FRAS1: variants seen among roughly 807,000 people sequenced by gnomAD.
FRAS1 encodes extracellular matrix organizing protein FRAS1.
A neutral mutation model predicts 435.2 loss-of-function variants in FRAS1; 290 were observed. The ratio of observed to expected loss-of-function variants is 0.67; its 90% confidence interval spans 0.61 to 0.73. The LOEUF is 0.73. FRAS1 is among the 30% of genes least tolerant of loss of function. The pLI is 0.00. For missense variants in FRAS1, 4,860 were observed against 5,001.5 expected, an observed-to-expected ratio of 0.97 and a Z score of 0.85; for synonymous variants, 1,800 against 1,851.0, an observed-to-expected ratio of 0.97 and a Z score of 0.71.
At chr4:78,131,190 A>G (rs1719662871) in intron 2 of FRAS1, among the ~76,000 whole-genome samples, 1 of 152,188 alleles carries the variant, frequency 6.6e-6, no homozygotes, top group East Asian at 1.9e-4. Flanking sequence ...TCTGAGAGAT[A>G]TATACACACA....
chr4:78,462,609 G>C (rs2109844596), intron 47 of FRAS1, among the ~76,000 whole-genome samples: 1 of 152,298 alleles, frequency 6.6e-6, no homozygotes, highest in South Asian at 2.1e-4. Flanking sequence ...AGCTGTGAGA[G>C]TGGATTCACA....
rs1436223241 is a variant in FRAS1 at position 78,181,756 on chromosome 4, C to T, written c.109-55754C>T. 10 of 1,610,186 alleles carry T rather than the reference C, an allele frequency of 6.2e-6. No homozygotes were observed. In the East Asian group the frequency reaches 8.9e-5, roughly 14 times the overall value. ...TTCCTTCTTTCTTAAGCGCCACGGG[C>T]GGCTGCGTCTCCTCTTTCTTGTCAA... On this transcript the variant is annotated intron_variant, in intron 2 of 73. Coordinates refer to ENST00000512123, the MANE Select transcript of FRAS1 (RefSeq NM_025074.7).
chr4:78,059,824 C>CGGAATCTAGACTGGA (rs1739671014), intron 1 of FRAS1, among the ~76,000 whole-genome samples: 1 of 131,640 alleles, frequency 7.6e-6, no homozygotes, highest in African/African-American at 2.9e-5. Context: ...TTAAGAAGTG[C>CGGAATCTAGACTGGA]GGAATCTAGA....
intron 30 of FRAS1, among the ~76,000 whole-genome samples, chr4:78,404,937 A>G (rs1733042899): frequency 1.3e-5 from 2 of 152,136 alleles, no homozygotes. Flanking sequence ...TCATTCACCT[A>G]CTGGAAAACT....
intron 59 of FRAS1, among the ~76,000 whole-genome samples, chr4:78,491,433 C>G (rs1371806713): frequency 6.6e-6 from 1 of 152,154 alleles, no homozygotes; most frequent in African/African-American, 2.4e-5. Context: ...AATCCAGCAG[C>G]ACATCAAAAA....
chr4:78,537,786 AT>A (rs1185914837), intron 72 of FRAS1, among the ~76,000 whole-genome samples: 9 of 152,120 alleles, frequency 5.9e-5, no homozygotes, highest in African/African-American at 1.7e-4. Context: ...CTACAAAAAA[AT>A]ATTTGAAAAT....
chr4:78,335,578 A>G (rs1730138929), intron 19 of FRAS1, among the ~76,000 whole-genome samples: 1 of 152,224 alleles, frequency 6.6e-6, no homozygotes, highest in African/African-American at 2.4e-5. Context: ...TGGCTTATGC[A>G]CACAGTTAGG....
intron 2 of FRAS1, among the ~76,000 whole-genome samples, chr4:78,117,519 C>T (rs1718688314): frequency 1.3e-5 from 2 of 152,136 alleles, no homozygotes; most frequent in African/African-American, 4.8e-5. Flanking sequence ...TTCTTGGAGG[C>T]TTTGTTAATT....
intron 2 of FRAS1, among the ~76,000 whole-genome samples, chr4:78,086,936 A>G (rs1000652290): frequency 1.3e-5 from 2 of 152,212 alleles, no homozygotes; most frequent in Non-Finnish European, 2.9e-5. Flanking sequence ...GGCCAGCATC[A>G]TCCTGATACC....
chr4:78,255,645 C>A (rs1725757064), intron 6 of FRAS1, among the ~76,000 whole-genome samples: 2 of 152,194 alleles, frequency 1.3e-5, no homozygotes, highest in African/African-American at 4.8e-5. Flanking sequence ...GCTCTAATGG[C>A]AGATGCTCCA....
intron 47 of FRAS1, among the ~76,000 whole-genome samples, chr4:78,457,102 G>C (rs922337543): frequency 1.3e-5 from 2 of 152,180 alleles, no homozygotes; most frequent in African/African-American, 4.8e-5. Flanking sequence ...ATGGCTGCTT[G>C]GCTAGATGAA....
At chr4:78,435,231 G>A (rs1734370301) in intron 38 of FRAS1, among the ~76,000 whole-genome samples, 1 of 152,134 alleles carries the variant, frequency 6.6e-6, no homozygotes, top group Non-Finnish European at 1.5e-5. Flanking sequence ...CTCTGCACTT[G>A]CTCCAGGGTG....
chr4:78,108,880 G>A (rs1413820642), intron 2 of FRAS1, among the ~76,000 whole-genome samples: 1 of 127,962 alleles, frequency 7.8e-6, no homozygotes, highest in Non-Finnish European at 1.6e-5. Flanking sequence ...AAAGAGAGAA[G>A]AATCAAATAG....
At chr4:78,443,449 T>G (rs1483817395) in intron 41 of FRAS1, among the ~76,000 whole-genome samples, 2 of 152,226 alleles carry the variant, frequency 1.3e-5, no homozygotes, top group Non-Finnish European at 2.9e-5. Context: ...AGCTTTTACT[T>G]TTCACCAAGA....
At chr4:78,079,249 A>AAG in intron 2 of FRAS1, among the ~76,000 whole-genome samples, 1 of 145,108 alleles carries the variant, frequency 6.9e-6, no homozygotes, top group South Asian at 2.1e-4. Context: ...TTTTGTCAAC[A>AAG]AGAGAGAGAG....
chr4:78,196,970 A>G (rs1722839958), intron 2 of FRAS1, among the ~76,000 whole-genome samples: 1 of 152,200 alleles, frequency 6.6e-6, no homozygotes, highest in Non-Finnish European at 1.5e-5. Flanking sequence ...GAAAAACAAG[A>G]GAGAGAAGTG....
At chr4:78,095,798 A>G (rs1176058258) in intron 2 of FRAS1, among the ~76,000 whole-genome samples, 1 of 152,226 alleles carries the variant, frequency 6.6e-6, no homozygotes, top group Non-Finnish European at 1.5e-5. Context: ...AGTCCCTACC[A>G]CAACACATGG....
chr4:78,539,289 C>T lies in FRAS1; in HGVS notation c.11299-5C>T. On this transcript the variant is annotated splice_region_variant and splice_polypyrimidine_tract_variant and intron_variant, in intron 72 of 73. Coordinates refer to ENST00000512123, the MANE Select transcript of FRAS1 (RefSeq NM_025074.7). ...ATCTTGCATTTCTTTTTTCTGAAATCCTAGGACCGCAATCAGCCAGAGGTA... is the reference window on the plus strand; with the variant it reads ...ATCTTGCATTTCTTTTTTCTGAAATTCTAGGACCGCAATCAGCCAGAGGTA... The T allele has an allele frequency of 6.3e-7, 1 of 1,598,420 alleles. No homozygotes were observed. The highest frequency in any genetic ancestry group is 1.7e-4 in the Middle Eastern group (1 of 5,988).
intron 1 of FRAS1, among the ~76,000 whole-genome samples, chr4:78,059,078 T>C (rs1739617069): frequency 6.6e-6 from 1 of 152,000 alleles, no homozygotes; most frequent in Non-Finnish European, 1.5e-5. Context: ...GGAAGAAGAG[T>C]TCACCTGCCC....
Sources: gnomAD v4.1 joint callset for allele counts (sites outside exome capture counted in the v4.1 genomes callset) on GRCh38, gnomAD v4.1.1 for gene constraint, MANE v1.5 for transcripts, NCBI Gene and HGNC (gene_info 2026-07-23, HGNC 2026-07-21) for gene names.